Variants in CCDC142 observed in about 807,000 individuals in gnomAD.
CCDC142 encodes coiled-coil domain-containing protein 142.
A neutral mutation model predicts 83.8 loss-of-function variants in CCDC142; 67 were observed. That is an observed-to-expected ratio of 0.80 (90% CI 0.66 to 0.98). The LOEUF (loss-of-function observed/expected upper bound fraction) is 0.98. CCDC142 is among the 50% of genes least tolerant of loss of function. The probability of loss-of-function intolerance (pLI) is 0.00; values close to 1 mark genes in which losing one functional copy is unlikely to be tolerated. For missense variants in CCDC142, 905 were observed against 946.8 expected (o/e 0.96, Z 0.58); for synonymous variants, 421 against 421.2 (o/e 1.00, Z 0.01).
chr2:74,482,456 C>G lies in CCDC142; in HGVS notation c.382G>C (p.Gly128Arg). ...GGGCTAGGGCCGCCGGATGGCGAGCCAGGACTCAGGGTCTTCATGAGTCGC... is the reference window on the plus strand; with the variant it reads ...GGGCTAGGGCCGCCGGATGGCGAGCGAGGACTCAGGGTCTTCATGAGTCGC... ...AVRLMKTLSP[G>R]SPSGGPSPLP... Residue 128 changes from glycine to arginine, a missense_variant, in exon 1 of 9, where the codon GGC (glycine) becomes CGC (arginine). Transcript: ENST00000393965. This position sits in a 1 kb window ranked among gnomAD's most constrained non-coding sequence, Gnocchi z 5.0. 4 of 1,551,700 alleles carry G rather than the reference C, an allele frequency of 2.6e-6. No homozygotes were observed. The highest frequency in any genetic ancestry group is 3.5e-6 in the Non-Finnish European group (4 of 1,146,726).
In CCDC142 at chr2:74,480,769, C is replaced by T; in HGVS notation, c.1503G>A (p.Gln501=). ...LEIQKLTAQI[Q]LLPEESLSVF... ...CCACTGTTGAGGCCCCTGTTCTCAC[C>T]TGGATCTGTGCAGTCAGCTTCTGGA... The change falls in exon 5 of 9, where the codon CAG becomes CAA. Residue 501 remains glutamine (Q), a splice_region_variant and synonymous_variant. Transcript: ENST00000393965. 1 of 1,609,570 alleles carries T rather than the reference C, an allele frequency of 6.2e-7. No individual in the cohort carries two copies. The highest frequency in any genetic ancestry group is 1.1e-5 in the South Asian group (1 of 90,854).
Position 74,482,724 on chromosome 2 carries a change from A to AC in CCDC142, c.113dup (p.Leu39SerfsTer32), listed in dbSNP as rs758260541. ...GCCAGCAGTGAACCTCCCAGCGAAG[A>AC]CCGCCCGTTCGACTTCTCTCCCACT... On this transcript the variant is annotated frameshift_variant, in exon 1 of 9. Transcript: ENST00000393965. LOFTEE classifies it high-confidence loss of function. This position sits in a 1 kb window ranked among gnomAD's most constrained non-coding sequence, Gnocchi z 5.0. 25 of 1,605,134 alleles carry AC rather than the reference A, an allele frequency of 1.6e-5. No individual in the cohort carries two copies. The highest frequency in any genetic ancestry group is 1.7e-5 in the Non-Finnish European group (20 of 1,179,946).
intron 8 of CCDC142, 32 bp downstream of exon 8, chr2:74,474,884 C>G (rs770005550): frequency 1.3e-6 from 2 of 1,580,258 alleles, no homozygotes; most frequent in Admixed American, 1.8e-5. Context: ...GTTTGGGACA[C>G]ACAAAGCAGT....
In CCDC142 at chr2:74,480,806, A is replaced by G. The variant is rs748666840; in HGVS notation, c.1466T>C (p.Leu489Pro). The G allele has an allele frequency of 1.2e-6, 2 of 1,613,736 alleles. No individual in the cohort carries two copies. Among genetic ancestry groups the G allele is most frequent in the Non-Finnish European group, 1.7e-6 (2 of 1,179,726 alleles). The change falls in exon 5 of 9, where the codon CTG (leucine) becomes CCG (proline). Residue 489 changes from leucine to proline, a missense_variant. Coordinates refer to ENST00000393965, the MANE Select transcript of CCDC142 (RefSeq NM_001365575.2). ...AGTCAGCTTCTGGATCTCCAGGCCC[A>G]GCTGCTGCTCCACTTCCAGAGCTAA... is the stretch of plus-strand genomic sequence containing the variant. Reference protein sequence around the residue: ...ESLALEVEQQLGLEIQKLTAQ... With the variant: ...ESLALEVEQQPGLEIQKLTAQ...
rs751939999 is a variant in CCDC142, at chr2:74,482,362, C to G, written c.476G>C (p.Gly159Ala). ...TAGCAGCAGCGGCTCGAGAGTCTCC[C>G]CAGGGCCGATTCGCAGAACCGCCCC... is the stretch of plus-strand genomic sequence containing the variant. ...SQGAVLRIGPGETLEPLLLAR... is the reference protein window; with the variant it reads ...SQGAVLRIGPAETLEPLLLAR... Residue 159 changes from glycine to alanine, a missense_variant, in exon 1 of 9, where the codon GGG (glycine) becomes GCG (alanine). Gly to Ala is a moderately conservative substitution (Grantham distance 60). Transcript: ENST00000393965. This position sits in a 1 kb window ranked among gnomAD's most constrained non-coding sequence, Gnocchi z 5.0. 5 of 1,590,392 alleles carry G rather than the reference C, an allele frequency of 3.1e-6. No homozygotes were observed. Among genetic ancestry groups the G allele is most frequent in the Non-Finnish European group, 4.3e-6 (5 of 1,170,188 alleles).
intron 5 of CCDC142, among the ~76,000 whole-genome samples, chr2:74,479,934 TAAGTA>T (rs1310090967): frequency 2.6e-5 from 4 of 152,146 alleles, no homozygotes; most frequent in Admixed American, 2.6e-4. Context: ...CGATAACTGG[TAAGTA>T]AAGAGAAAGA....
Position 74,480,935 on chromosome 2 carries a change from C to T in CCDC142, c.1389+21G>A, listed in dbSNP as rs753500232. On this transcript the variant is annotated intron_variant, in intron 4 of 8. Transcript: ENST00000393965. ...TCAGCCTAGCTCAGGCTGCTCCCCTCCCTACTCCCCAGCCACTCACAGGTA... is the reference window on the plus strand; with the variant it reads ...TCAGCCTAGCTCAGGCTGCTCCCCTTCCTACTCCCCAGCCACTCACAGGTA... 21 of 1,612,868 alleles carry T rather than the reference C, an allele frequency of 1.3e-5. No individual in the cohort carries two copies. In the African/African-American group the frequency reaches 1.5e-4, roughly 11 times the overall value.
chr2:74,477,129 T>G (rs1403931330), intron 5 of CCDC142, among the ~76,000 whole-genome samples: 1 of 152,170 alleles, frequency 6.6e-6, no homozygotes, highest in Non-Finnish European at 1.5e-5. Context: ...CCTCTTTTTT[T>G]TTTTTTGAGA....
Position 74,482,347 on chromosome 2 carries a change from G to A in CCDC142, c.491C>T (p.Pro164Leu), listed in dbSNP as rs1185463616. The A allele has an allele frequency of 3.1e-6, 5 of 1,598,526 alleles. No homozygotes were observed. The East Asian group carries it at 1.1e-4, about 36-fold the overall frequency. The change falls in exon 1 of 9, where the codon CCG (proline) becomes CTG (leucine). Residue 164 changes from proline to leucine, a missense_variant. Pro to Leu is a moderately conservative substitution (Grantham distance 98). Transcript: ENST00000393965. This position sits in a 1 kb window ranked among gnomAD's most constrained non-coding sequence, Gnocchi z 5.0. ...LRIGPGETLE[P>L]LLLARPIGLA... ...TCCGATGGGGCGCGCTAGCAGCAGC[G>A]GCTCGAGAGTCTCCCCAGGGCCGAT...
At chr2:74,478,626 C>T (rs374436440) in intron 5 of CCDC142, among the ~76,000 whole-genome samples, 1 of 151,778 alleles carries the variant, frequency 6.6e-6, no homozygotes, top group East Asian at 1.9e-4. Context: ...ATCCACCCAC[C>T]TTGGCCTCCC....
Position 74,473,763 on chromosome 2 carries a change from ATTTTTTTTTTTT to A in CCDC142, c.*771_*782del, listed in dbSNP as rs34305895. The stretch of plus-strand genomic sequence containing the variant: ...ATTCCAGGTGCTGGAGTGATCTTGG[ATTTTTTTTTTTT>A]TTTTTTTTTTTTTTGAGACGAAGTT... On this transcript the variant is annotated 3_prime_UTR_variant, in exon 9 of 9. Coordinates refer to ENST00000393965, the MANE Select transcript of CCDC142 (RefSeq NM_001365575.2). 0.019 allele frequency: 1,245 copies of A among 64,094 alleles called. 24 individuals carry two copies. The highest frequency in any genetic ancestry group is 0.043 in the Middle Eastern group (3 of 70). The allele number at this position is 64,094 out of a possible 1,614,324, so 4.0% of individuals were successfully genotyped here.
rs377134521 is a variant in CCDC142, at chr2:74,482,184, T to G, written c.654A>C (p.Lys218Asn). 25 of 1,613,628 alleles carry G rather than the reference T, an allele frequency of 1.5e-5. No individual in the cohort carries two copies. Among genetic ancestry groups the G allele is most frequent in the Non-Finnish European group, 2.1e-5 (25 of 1,179,922 alleles). ...ALPAYHTLQR[K>N]ALSHVPGAAR... ...CGGCCCCTGGGACGTGGCTCAAGGC[T>G]TTTCTCTGTAGTGTGTGGTAGGCGG... The change falls in exon 1 of 9, where the codon AAA (lysine) becomes AAC (asparagine). Residue 218 changes from lysine to asparagine, a missense_variant. This residue lies in a region of CCDC142 where 591 missense variants were observed against 571.4 expected (regional missense o/e 1.03). Coordinates refer to ENST00000393965, the MANE Select transcript of CCDC142 (RefSeq NM_001365575.2). This position sits in a 1 kb window ranked among gnomAD's most constrained non-coding sequence, Gnocchi z 5.0.
rs1470875967 is a variant in CCDC142 at position 74,481,436 on chromosome 2, G to C, written c.1108+16C>G. Reference sequence around the variant, plus strand: ...ACCTGGGACTTATGTCACCCCCAGTGCCCCTTCCTTCTCACCTTGGTCCCA... The same window carrying C: ...ACCTGGGACTTATGTCACCCCCAGTCCCCCTTCCTTCTCACCTTGGTCCCA... On this transcript the variant is annotated intron_variant, in intron 2 of 8. Transcript: ENST00000393965. 6.2e-7 allele frequency: 1 copy of C among 1,614,010 alleles called. No individual in the cohort carries two copies.
Position 74,482,973 on chromosome 2 carries a change from C to G in CCDC142, c.-136G>C. On this transcript the variant is annotated 5_prime_UTR_variant, in exon 1 of 9. Coordinates refer to ENST00000393965, the MANE Select transcript of CCDC142 (RefSeq NM_001365575.2). This position sits in a 1 kb window ranked among gnomAD's most constrained non-coding sequence, Gnocchi z 5.0. ...AGTCGCGGGGACCTTCATGGACTCT[C>G]TCGTGCTCCGTAATGGGAGGCTTCT... The G allele has an allele frequency of 6.4e-7, 1 of 1,569,104 alleles. No individual in the cohort carries two copies. Among genetic ancestry groups the G allele is most frequent in the Non-Finnish European group, 8.7e-7 (1 of 1,144,180 alleles).
At chr2:74,476,601 G>A (rs1672332295) in intron 5 of CCDC142, among the ~76,000 whole-genome samples, 1 of 152,110 alleles carries the variant, frequency 6.6e-6, no homozygotes, top group African/African-American at 2.4e-5. Context: ...ACATTGAAAG[G>A]CATTATTATA....
In CCDC142 at chr2:74,473,256, A is replaced by G. The variant is rs1672230599; in HGVS notation, c.*1290T>C. The G allele has an allele frequency of 6.4e-6, 1 of 157,298 alleles. No individual in the cohort carries two copies. Among genetic ancestry groups the G allele is most frequent in the Admixed American group, 6.1e-5 (1 of 16,468 alleles). The allele number at this position is 157,298 out of a possible 1,614,324, so 9.7% of individuals were successfully genotyped here. A position where few individuals can be genotyped will look rare whatever the true frequency, so the allele number is the denominator to read the frequency against. Reference sequence around the variant, plus strand: ...GGCTGATCCAGGTATAGAAATGCCTATTAAACCTCTGTGGTTCTCCATGAA... The same window carrying G: ...GGCTGATCCAGGTATAGAAATGCCTGTTAAACCTCTGTGGTTCTCCATGAA... On this transcript the variant is annotated 3_prime_UTR_variant, in exon 9 of 9. Coordinates refer to ENST00000393965, the MANE Select transcript of CCDC142 (RefSeq NM_001365575.2).
At chr2:74,478,721 A>AT (rs1672381159) in intron 5 of CCDC142, among the ~76,000 whole-genome samples, 2 of 151,950 alleles carry the variant, frequency 1.3e-5, no homozygotes, top group African/African-American at 4.8e-5. Context: ...CAAAAAAAAA[A>AT]ATTTTTTTAA....
chr2:74,482,858 A>T lies in CCDC142; in HGVS notation c.-21T>A. 6.3e-7 allele frequency: 1 copy of T among 1,589,866 alleles called. No individual in the cohort carries two copies. The highest frequency in any genetic ancestry group is 8.5e-7 in the Non-Finnish European group (1 of 1,174,456). On this transcript the variant is annotated 5_prime_UTR_variant, in exon 1 of 9. Coordinates refer to ENST00000393965, the MANE Select transcript of CCDC142 (RefSeq NM_001365575.2). This position sits in a 1 kb window ranked among gnomAD's most constrained non-coding sequence, Gnocchi z 5.0. Reference sequence around the variant, plus strand: ...GCCATGGGGCGGCGGGTCCAGAACGAACCTAACGATTCCCACTTCCCTGCA... The same window carrying T: ...GCCATGGGGCGGCGGGTCCAGAACGTACCTAACGATTCCCACTTCCCTGCA...
In CCDC142 at chr2:74,481,370, A is replaced by C. The variant is rs571959474; in HGVS notation, c.1111T>G (p.Phe371Val). The change falls in exon 3 of 9, where the codon TTC (phenylalanine) becomes GTC (valine). Residue 371 changes from phenylalanine (F) to valine (V), a missense_variant and splice_region_variant. Phe to Val is a conservative substitution (Grantham distance 50). Transcript: ENST00000393965. ...AGAGCTGATCCCAAGGCCTGGCAGAAACCTGAGGATGAGAGAGTATAGTGT... is the reference window on the plus strand; with the variant it reads ...AGAGCTGATCCCAAGGCCTGGCAGACACCTGAGGATGAGAGAGTATAGTGT... ...QSLIWSWDQG[F>V]CQALGSALGG... The C allele has an allele frequency of 1.9e-6, 3 of 1,613,956 alleles. No homozygotes were observed. The highest frequency in any genetic ancestry group is 2.7e-5 in the African/African-American group (2 of 74,908).
Sources: gnomAD v4.1 joint callset for allele counts (sites outside exome capture counted in the v4.1 genomes callset) on GRCh38, gnomAD v4.1.1 for gene constraint, gnomAD v4.1.1 regional missense constraint, Gnocchi (gnomAD v3.1) non-coding constraint, MANE v1.5 for transcripts, NCBI Gene and HGNC (gene_info 2026-07-23, HGNC 2026-07-21) for gene names.